Variants in NOS1AP observed in about 807,000 individuals in gnomAD.
NOS1AP encodes nitric oxide synthase 1 adaptor protein.
Under a neutral mutation model 56.2 loss-of-function variants are expected in NOS1AP, and 21 were observed. The observed-to-expected ratio is 0.37, with a 90% CI of 0.26 to 0.54. NOS1AP has a LOEUF of 0.54. Among genes scored for constraint, NOS1AP ranks in the 20% least tolerant of loss-of-function variants. The probability of loss-of-function intolerance (pLI) is 0.84; values close to 1 mark genes in which losing one functional copy is unlikely to be tolerated. For missense variants in NOS1AP, 522 were observed against 657.8 expected (o/e 0.79, Z 2.26); for synonymous variants, 270 against 274.6 (o/e 0.98, Z 0.17).
intron 2 of NOS1AP, among the ~76,000 whole-genome samples, chr1:162,226,630 G>A (rs1451129119): frequency 2.0e-5 from 3 of 152,202 alleles, no homozygotes; most frequent in African/African-American, 7.2e-5. Context: ...AGGCTTTTCT[G>A]TGGATGTTCT....
At chr1:162,113,423 T>C (rs1419488986) in intron 1 of NOS1AP, among the ~76,000 whole-genome samples, 1 of 152,174 alleles carries the variant, frequency 6.6e-6, no homozygotes, top group African/African-American at 2.4e-5. Context: ...CCTCCTCTAA[T>C]GAGTCCATTC....
intron 5 of NOS1AP, among the ~76,000 whole-genome samples, chr1:162,340,268 G>A (rs894913969): frequency 1.3e-5 from 2 of 152,134 alleles, no homozygotes; most frequent in African/African-American, 2.4e-5. Context: ...TTACCACTCA[G>A]TATGCAGATC....
rs111539597 is a variant in NOS1AP, at chr1:162,336,839, C to T, written c.453+3714C>T. 1.0e-2 allele frequency among the ~76,000 whole-genome samples: 1,522 copies of T among 152,236 alleles called. 18 individuals are homozygous for T. The highest frequency in any genetic ancestry group is 0.034 in the African/African-American group (1,422 of 41,530). On this transcript the variant is annotated intron_variant, in intron 5 of 9. Transcript: ENST00000361897. Reference sequence around the variant, plus strand: ...GTGAAGTGACGTCATCTTTAAGGAACAAATTCTCTGTGACTGGGAAGGATT... The same window carrying T: ...GTGAAGTGACGTCATCTTTAAGGAATAAATTCTCTGTGACTGGGAAGGATT...
chr1:162,281,574 G>T (rs752004186), intron 2 of NOS1AP, among the ~76,000 whole-genome samples: 1 of 152,292 alleles, frequency 6.6e-6, no homozygotes, highest in East Asian at 1.9e-4. Context: ...AGTGTGAGCA[G>T]ATATTTCAAG....
intron 4 of NOS1AP, among the ~76,000 whole-genome samples, chr1:162,321,114 G>T (rs1489972128): frequency 6.6e-6 from 1 of 152,110 alleles, no homozygotes; most frequent in Non-Finnish European, 1.5e-5. Context: ...TGTATAAGGT[G>T]TAAGGAAGGG....
chr1:162,092,429 A>G (rs533222267), intron 1 of NOS1AP, among the ~76,000 whole-genome samples: 18 of 152,338 alleles, frequency 1.2e-4, no homozygotes, highest in Non-Finnish European at 2.1e-4. Context: ...TGAACTTTTC[A>G]TGCCACCAAG....
At chr1:162,222,188 G>A (rs532031369) in intron 2 of NOS1AP, among the ~76,000 whole-genome samples, 7 of 152,168 alleles carry the variant, frequency 4.6e-5, no homozygotes, top group Non-Finnish European at 1.0e-4. Flanking sequence ...GTTGCACCAA[G>A]CCTTACTTCC....
chr1:162,126,573 A>G (rs1648500104), intron 1 of NOS1AP, among the ~76,000 whole-genome samples: 1 of 150,742 alleles, frequency 6.6e-6, no homozygotes, highest in Non-Finnish European at 1.5e-5. Context: ...CTTAATTTCC[A>G]CATCCTGGAA....
intron 1 of NOS1AP, among the ~76,000 whole-genome samples, chr1:162,070,509 C>A (rs557032221): frequency 1.3e-5 from 2 of 152,204 alleles, no homozygotes; most frequent in Non-Finnish European, 2.9e-5. Flanking sequence ...CCTCACCTCC[C>A]CCTTCCCACC....
intron 2 of NOS1AP, among the ~76,000 whole-genome samples, chr1:162,228,521 A>G (rs890472387): frequency 7.9e-5 from 12 of 152,168 alleles, no homozygotes; most frequent in Non-Finnish European, 1.5e-4. Context: ...AACTGAGGAG[A>G]CAGAATAGGA....
chr1:162,273,456 C>T (rs1215014046), intron 2 of NOS1AP, among the ~76,000 whole-genome samples: 3 of 152,180 alleles, frequency 2.0e-5, no homozygotes, highest in African/African-American at 7.2e-5. Flanking sequence ...TGAGCCACCG[C>T]GCCCGGCCGA....
chr1:162,196,622 G>A (rs1442995405), intron 2 of NOS1AP, among the ~76,000 whole-genome samples: 3 of 152,224 alleles, frequency 2.0e-5, no homozygotes, highest in Admixed American at 6.5e-5. Context: ...TCTCAAGGGA[G>A]AGTCGTTGGG....
chr1:162,342,987 T>C (rs1657159784), intron 5 of NOS1AP, among the ~76,000 whole-genome samples: 1 of 152,208 alleles, frequency 6.6e-6, no homozygotes, highest in Non-Finnish European at 1.5e-5. Context: ...ATCACTCATT[T>C]CTGTCCTTGA....
intron 2 of NOS1AP, among the ~76,000 whole-genome samples, chr1:162,230,953 G>A (rs10918930): frequency 0.094 from 14,257 of 152,222 alleles, 790 homozygotes; most frequent in South Asian, 0.2. Context: ...TGTGAACATA[G>A]GTGTACAAAT....
At chr1:162,258,214 T>C (rs1474631611) in intron 2 of NOS1AP, among the ~76,000 whole-genome samples, 1 of 152,176 alleles carries the variant, frequency 6.6e-6, no homozygotes, top group Non-Finnish European at 1.5e-5. Context: ...TATCACATAG[T>C]ATTTATAACA....
chr1:162,299,503 GT>G (rs2101752356), intron 3 of NOS1AP, among the ~76,000 whole-genome samples: 1 of 152,290 alleles, frequency 6.6e-6, no homozygotes, highest in South Asian at 2.1e-4. Flanking sequence ...ATTTGAAGGG[GT>G]TCTTGCTTAG....
chr1:162,241,114 G>A (rs1653477321), intron 2 of NOS1AP, among the ~76,000 whole-genome samples: 1 of 152,176 alleles, frequency 6.6e-6, no homozygotes, highest in South Asian at 2.1e-4. Context: ...TGATTGGAAA[G>A]GCACCTACTC....
chr1:162,109,455 A>G (rs1476987214), intron 1 of NOS1AP, among the ~76,000 whole-genome samples: 1 of 152,156 alleles, frequency 6.6e-6, no homozygotes, highest in African/African-American at 2.4e-5. Flanking sequence ...AATAGATGAC[A>G]TTTTATTTGG....
intron 2 of NOS1AP, among the ~76,000 whole-genome samples, chr1:162,196,158 T>C (rs192479306): frequency 6.6e-6 from 1 of 152,222 alleles, no homozygotes; most frequent in Non-Finnish European, 1.5e-5. Context: ...TACCAGTTCT[T>C]GGTCTTGCCT....
Sources: gnomAD v4.1 joint callset for allele counts (sites outside exome capture counted in the v4.1 genomes callset) on GRCh38, gnomAD v4.1.1 for gene constraint, MANE v1.5 for transcripts, NCBI Gene and HGNC (gene_info 2026-07-23, HGNC 2026-07-21) for gene names.